The following CSMD1 variants were observed in gnomAD, a reference collection of about 807,000 sequenced individuals.
CSMD1 encodes CUB and Sushi multiple domains 1.
Under a neutral mutation model 417.5 loss-of-function variants are expected in CSMD1, and 213 were observed. The observed-to-expected ratio is 0.51, with a 90% CI of 0.46 to 0.57. CSMD1 has a LOEUF of 0.57. Ranked by LOEUF, CSMD1 falls within the 20% of genes least tolerant of loss-of-function variation. The pLI is 0.00. For missense variants in CSMD1, 6,923 were observed against 4,529.7 expected (o/e 1.53, Z -15.17); for synonymous variants, 2,862 against 1,736.8 (o/e 1.65, Z -16.11).
At chr8:3,311,737 G>A (rs537973776) in intron 23 of CSMD1, among the ~76,000 whole-genome samples, 1 of 152,266 alleles carries the variant, frequency 6.6e-6, no homozygotes, top group South Asian at 2.1e-4. Context: ...TGTGGGCTGT[G>A]TTCATTTTGA....
At chr8:4,960,026 C>T (rs938913294) in intron 1 of CSMD1, among the ~76,000 whole-genome samples, 1 of 152,164 alleles carries the variant, frequency 6.6e-6, no homozygotes, top group African/African-American at 2.4e-5. Flanking sequence ...TTCAACAAGG[C>T]ATATGTAGCC....
At chr8:4,311,543 T>G (rs1329299891) in intron 3 of CSMD1, among the ~76,000 whole-genome samples, 1 of 151,720 alleles carries the variant, frequency 6.6e-6, no homozygotes, top group Non-Finnish European at 1.5e-5. Flanking sequence ...ACCAATACGG[T>G]GAAACCCTGT....
chr8:4,386,977 G>A (rs552366797), intron 3 of CSMD1, among the ~76,000 whole-genome samples: 2 of 152,192 alleles, frequency 1.3e-5, no homozygotes, highest in African/African-American at 2.4e-5. Context: ...ATTATCTATT[G>A]TATGAATGAA....
chr8:4,574,984 G>C (rs530802825), intron 2 of CSMD1, among the ~76,000 whole-genome samples: 2 of 152,242 alleles, frequency 1.3e-5, no homozygotes, highest in East Asian at 1.9e-4. Flanking sequence ...GTGAAATTCG[G>C]TTTTAATATT....
At chr8:3,640,428 C>G (rs1290975152) in intron 7 of CSMD1, among the ~76,000 whole-genome samples, 2 of 152,214 alleles carry the variant, frequency 1.3e-5, no homozygotes, top group Non-Finnish European at 2.9e-5. Flanking sequence ...CAGAGACCAT[C>G]TTTCCTATGT....
intron 2 of CSMD1, among the ~76,000 whole-genome samples, chr8:4,524,903 A>T (rs1309927359): frequency 6.6e-6 from 1 of 152,212 alleles, no homozygotes; most frequent in African/African-American, 2.4e-5. Context: ...CTTAAAAAGT[A>T]AAACTTTAAC....
At chr8:4,078,098 T>G (rs902276963) in intron 3 of CSMD1, among the ~76,000 whole-genome samples, 1 of 152,054 alleles carries the variant, frequency 6.6e-6, no homozygotes, top group Non-Finnish European at 1.5e-5. Flanking sequence ...AAGAGAGAAA[T>G]CTTCAAATAA....
At chr8:3,678,353 G>C (rs896764524) in intron 7 of CSMD1, among the ~76,000 whole-genome samples, 1 of 152,164 alleles carries the variant, frequency 6.6e-6, no homozygotes, top group African/African-American at 2.4e-5. Flanking sequence ...GGACCTGATG[G>C]AGCTGAAAAC....
chr8:4,547,746 G>C (rs1797696700), intron 2 of CSMD1, among the ~76,000 whole-genome samples: 1 of 152,162 alleles, frequency 6.6e-6, no homozygotes, highest in African/African-American at 2.4e-5. Context: ...CTGATACAAG[G>C]AATTTTGAAT....
Position 4,362,146 on chromosome 8 carries a change from G to C in CSMD1, c.415+57807C>G, listed in dbSNP as rs533448456. Among the ~76,000 whole-genome samples the C allele has an allele frequency of 2.6e-5, 4 of 152,268 alleles. No individual in the cohort carries two copies. In the South Asian group the frequency reaches 6.2e-4, roughly 24 times the overall value. ...ACTTTATAAAAATAGAATTATGACA[G>C]AGGGTAATTCAATTTACATGAGTAC... On this transcript the variant is annotated intron_variant, in intron 3 of 69. Coordinates refer to ENST00000635120, the MANE Select transcript of CSMD1 (RefSeq NM_033225.6).
At position 3,016,298 on chromosome 8, in the gene CSMD1, A is replaced by G. The variant is rs747424439; in HGVS notation, c.8029+2179T>C. ...ATTGCAGCCTCTGTTCCCTTCATCT[A>G]TCTTAGAGTCATACAATCTACTCAA... On this transcript the variant is annotated intron_variant, in intron 52 of 69. Transcript: ENST00000635120. Among the ~76,000 whole-genome samples, 7 of 152,126 alleles carry G rather than the reference A, an allele frequency of 4.6e-5. No individual in the cohort carries two copies. In the East Asian group the frequency reaches 7.7e-4, roughly 17 times the overall value.
intron 7 of CSMD1, among the ~76,000 whole-genome samples, chr8:3,642,501 G>C (rs1231614728): frequency 6.6e-6 from 1 of 152,130 alleles, no homozygotes; most frequent in African/African-American, 2.4e-5. Flanking sequence ...ATCCTCTCTG[G>C]AGAAAAACTG....
chr8:3,697,708 A>G (rs1800631203), intron 7 of CSMD1, among the ~76,000 whole-genome samples: 1 of 152,216 alleles, frequency 6.6e-6, no homozygotes, highest in African/African-American at 2.4e-5. Flanking sequence ...TTACATAGGA[A>G]TAGAAAGTAA....
intron 3 of CSMD1, among the ~76,000 whole-genome samples, chr8:4,199,340 C>G (rs906935072): frequency 6.6e-6 from 1 of 152,132 alleles, no homozygotes; most frequent in Non-Finnish European, 1.5e-5. Flanking sequence ...TATCTGAAGT[C>G]TACCTCTAAA....
chr8:4,176,908 A>G (rs1240679986), intron 3 of CSMD1, among the ~76,000 whole-genome samples: 2 of 149,672 alleles, frequency 1.3e-5, no homozygotes, highest in East Asian at 1.9e-4. Context: ...CACCCAATAC[A>G]GGAGCACCCA....
chr8:3,437,507 C>T (rs1217812493), intron 12 of CSMD1, among the ~76,000 whole-genome samples: 1 of 152,196 alleles, frequency 6.6e-6, no homozygotes, highest in Admixed American at 6.5e-5. Context: ...CTGGCAGCTT[C>T]TCCAGCCCTG....
chr8:3,623,095 A>G (rs1391024553), intron 7 of CSMD1, among the ~76,000 whole-genome samples: 1 of 152,252 alleles, frequency 6.6e-6, no homozygotes, highest in Non-Finnish European at 1.5e-5. Context: ...TTAATATTAA[A>G]GAAAGATATG....
chr8:4,464,777 G>A (rs1183555931), intron 2 of CSMD1, among the ~76,000 whole-genome samples: 1 of 152,252 alleles, frequency 6.6e-6, no homozygotes, highest in Non-Finnish European at 1.5e-5. Flanking sequence ...GAGTGGGGTG[G>A]GGCTGGGCTG....
At chr8:4,514,225 T>C (rs1350762641) in intron 2 of CSMD1, among the ~76,000 whole-genome samples, 1 of 151,700 alleles carries the variant, frequency 6.6e-6, no homozygotes, top group Non-Finnish European at 1.5e-5. Context: ...GATGGGGAGG[T>C]TTCCTCTGGT....
Sources: gnomAD v4.1 joint callset for allele counts (sites outside exome capture counted in the v4.1 genomes callset) on GRCh38, gnomAD v4.1.1 for gene constraint, MANE v1.5 for transcripts, NCBI Gene and HGNC (gene_info 2026-07-23, HGNC 2026-07-21) for gene names.